PCCB: variants seen among roughly 807,000 people sequenced by gnomAD.
The protein encoded by PCCB is propionyl-CoA carboxylase subunit beta.
PCCB carries 43 observed loss-of-function variants against 60.7 expected under a neutral mutation model. The ratio of observed to expected loss-of-function variants is 0.71; its 90% CI spans 0.55 to 0.91. The LOEUF (loss-of-function observed/expected upper bound fraction) is 0.91, where lower values mean the gene tolerates loss of function less well. PCCB is among the 40% of genes least tolerant of loss of function. The pLI is 0.00. For missense variants in PCCB, 766 were observed against 702.8 expected, an observed-to-expected ratio of 1.09 and a Z score of -1.02; for synonymous variants, 276 against 255.9, an observed-to-expected ratio of 1.08 and a Z score of -0.75.
At chr3:136,255,586 C>A in intron 1 of PCCB, 1 of 484,004 alleles carries the variant, frequency 2.1e-6, no homozygotes, top group East Asian at 4.0e-5. Context: ...TTCTCCTTAT[C>A]CCCACTTCTC....
At chr3:136,258,239 T>A (rs1282922125) in intron 3 of PCCB, among the ~76,000 whole-genome samples, 2 of 152,180 alleles carry the variant, frequency 1.3e-5, no homozygotes, top group African/African-American at 2.4e-5. Flanking sequence ...CTTATGCTCA[T>A]GTGGTAGGGT....
chr3:136,329,186 C>G (rs940172543), intron 14 of PCCB, among the ~76,000 whole-genome samples: 13 of 152,212 alleles, frequency 8.5e-5, no homozygotes, highest in African/African-American at 3.1e-4. Flanking sequence ...CTGTGGGGTC[C>G]ACAATTTGGT....
intron 10 of PCCB, chr3:136,326,260 G>C: frequency 4.3e-6 from 3 of 691,286 alleles, no homozygotes; most frequent in Non-Finnish European, 2.6e-6. Flanking sequence ...ATAGAATTAA[G>C]TTGGAAACTC....
intron 6 of PCCB, among the ~76,000 whole-genome samples, chr3:136,291,779 A>G (rs908650198): frequency 6.6e-6 from 1 of 152,202 alleles, no homozygotes; most frequent in Non-Finnish European, 1.5e-5. Flanking sequence ...CGTGCGTTTC[A>G]GAAGGGTCTT....
intron 6 of PCCB, among the ~76,000 whole-genome samples, chr3:136,285,187 C>A (rs1322572441): frequency 6.6e-6 from 1 of 152,024 alleles, no homozygotes; most frequent in Non-Finnish European, 1.5e-5. Context: ...TATATACACA[C>A]CTAGCTGGTG....
At chr3:136,268,096 A>G (rs1464785218) in intron 5 of PCCB, among the ~76,000 whole-genome samples, 26 of 106,544 alleles carry the variant, frequency 2.4e-4, no homozygotes, top group African/African-American at 5.5e-4. Context: ...AGATATATAT[A>G]TATATATATA....
chr3:136,317,999 C>T (rs910126067), intron 10 of PCCB, among the ~76,000 whole-genome samples: 2 of 152,166 alleles, frequency 1.3e-5, no homozygotes, highest in African/African-American at 4.8e-5. Context: ...TTCTTCATGA[C>T]CTAACCTCAT....
chr3:136,289,620 T>C (rs1933583392), intron 6 of PCCB, among the ~76,000 whole-genome samples: 1 of 152,140 alleles, frequency 6.6e-6, no homozygotes, highest in African/African-American at 2.4e-5. Context: ...ATTTAGACCA[T>C]TGACATTCAG....
intron 5 of PCCB, among the ~76,000 whole-genome samples, chr3:136,275,346 T>G (rs549049229): frequency 6.6e-6 from 1 of 152,120 alleles, no homozygotes; most frequent in Non-Finnish European, 1.5e-5. Flanking sequence ...TTTTTAAGTT[T>G]TTTTTTTATG....
intron 9 of PCCB, among the ~76,000 whole-genome samples, chr3:136,302,805 C>T (rs9852811): frequency 0.021 from 2,429 of 117,298 alleles, 652 homozygotes; most frequent in Admixed American, 0.055. Flanking sequence ...AGAGTTCTGT[C>T]GGGTGCAGGG....
intron 1 of PCCB, 53 bp downstream of exon 1, chr3:136,250,611 A>G (rs1941487986): frequency 6.5e-7 from 1 of 1,543,110 alleles, no homozygotes. Context: ...GCGACCTATC[A>G]CTGCGTGCCC....
intron 10 of PCCB, chr3:136,326,182 T>C: frequency 1.7e-6 from 1 of 576,000 alleles, no homozygotes; most frequent in East Asian, 2.8e-5. Flanking sequence ...TTCATTTATG[T>C]TTTTGGTCTG....
chr3:136,284,962 C>G (rs1421523539), intron 6 of PCCB, among the ~76,000 whole-genome samples: 1 of 151,848 alleles, frequency 6.6e-6, no homozygotes, highest in African/African-American at 2.4e-5. Context: ...GTGGTGCATA[C>G]CTGTGGTCCC....
At chr3:136,322,178 T>C (rs1471290158) in intron 10 of PCCB, among the ~76,000 whole-genome samples, 3 of 152,230 alleles carry the variant, frequency 2.0e-5, no homozygotes, top group Non-Finnish European at 4.4e-5. Flanking sequence ...CATGAATGTA[T>C]TTTGGATTTT....
intron 5 of PCCB, among the ~76,000 whole-genome samples, chr3:136,268,101 T>TATAG (rs1942075280): frequency 8.2e-6 from 1 of 122,286 alleles, no homozygotes; most frequent in African/African-American, 3.5e-5. Flanking sequence ...TATATATATA[T>TATAG]ATATATATAT....
chr3:136,322,667 T>G (rs773742121), intron 10 of PCCB, among the ~76,000 whole-genome samples: 1 of 152,238 alleles, frequency 6.6e-6, no homozygotes, highest in African/African-American at 2.4e-5. Flanking sequence ...TATTTGCCCA[T>G]GTAGTCATCT....
chr3:136,299,062 A>G (rs886921745), intron 8 of PCCB, among the ~76,000 whole-genome samples: 1 of 152,098 alleles, frequency 6.6e-6, no homozygotes, highest in Non-Finnish European at 1.5e-5. Flanking sequence ...CTTTCTGAGT[A>G]TACAGTTTGG....
At chr3:136,324,952 G>A (rs138200908) in intron 10 of PCCB, among the ~76,000 whole-genome samples, 42 of 152,276 alleles carry the variant, frequency 2.8e-4, no homozygotes, top group Non-Finnish European at 1.6e-4. Context: ...GAGTGCAGTG[G>A]CATGATCTTG....
chr3:136,252,302 G>C (rs1463124594), intron 1 of PCCB: 1 of 455,302 alleles, frequency 2.2e-6, no homozygotes, highest in South Asian at 1.6e-5. Context: ...CTGTTGCCCA[G>C]GCTAGAGTGC....
Sources: allele counts gnomAD v4.1 joint callset (sites outside exome capture counted in the v4.1 genomes callset), GRCh38; gene constraint gnomAD v4.1.1; transcripts MANE v1.5; gene names NCBI Gene and HGNC (gene_info 2026-07-23, HGNC 2026-07-21).